The following PDE4D variants were observed in gnomAD, a reference collection of about 807,000 sequenced individuals.
PDE4D encodes the protein 3',5'-cyclic-AMP phosphodiesterase 4D.
Under a neutral mutation model 87.4 loss-of-function variants are expected in PDE4D, and 24 were observed. That is an observed-to-expected ratio of 0.27 (90% confidence interval 0.20 to 0.39). The LOEUF is 0.39. PDE4D is among the 10% of genes least tolerant of loss of function. The probability of loss-of-function intolerance (pLI) is 1.00; values close to 1 mark genes in which losing one functional copy is unlikely to be tolerated. For synonymous variants in PDE4D, 384 were observed against 383.2 expected, an observed-to-expected ratio of 1.00 and a Z score of -0.02; for missense variants, 714 against 1,041.0, an observed-to-expected ratio of 0.69 and a Z score of 4.32.
chr5:59,891,737 T>C (rs1380839839), intron 1 of PDE4D, among the ~76,000 whole-genome samples: 1 of 151,944 alleles, frequency 6.6e-6, no homozygotes, highest in Non-Finnish European at 1.5e-5. Flanking sequence ...AGGGTTATGA[T>C]AGTTTGGCTG....
intron 1 of PDE4D, among the ~76,000 whole-genome samples, chr5:59,570,956 TAGAAG>T (rs1255062244): frequency 6.6e-6 from 1 of 152,182 alleles, no homozygotes; most frequent in East Asian, 1.9e-4. Context: ...TTTAGTAACT[TAGAAG>T]AGAAAAAAAT....
chr5:60,290,649 CAA>C, intron 1 of PDE4D, among the ~76,000 whole-genome samples: 1 of 151,848 alleles, frequency 6.6e-6, no homozygotes. Context: ...ACTAAAAATA[CAA>C]AAAGTTAGCT....
At chr5:60,353,927 C>T (rs1583503261) in intron 1 of PDE4D, among the ~76,000 whole-genome samples, 2 of 152,194 alleles carry the variant, frequency 1.3e-5, no homozygotes, top group Middle Eastern at 6.8e-3. Flanking sequence ...TACCACCATT[C>T]ACGGGATCAT....
At chr5:59,266,790 A>G (rs1484323752) in intron 1 of PDE4D, among the ~76,000 whole-genome samples, 4 of 152,080 alleles carry the variant, frequency 2.6e-5, no homozygotes, top group Admixed American at 1.3e-4. Flanking sequence ...CTACTTTTCT[A>G]ATACCATGAA....
chr5:59,630,060 CA>C (rs777789981), intron 1 of PDE4D, among the ~76,000 whole-genome samples: 2 of 152,138 alleles, frequency 1.3e-5, no homozygotes, highest in Non-Finnish European at 2.9e-5. Context: ...TAAAGTCTAG[CA>C]AAGGTGTCTT....
chr5:59,678,252 C>T (rs556572543), intron 1 of PDE4D, among the ~76,000 whole-genome samples: 47 of 152,020 alleles, frequency 3.1e-4, no homozygotes, highest in Non-Finnish European at 6.2e-4. Context: ...AAAGTAACAA[C>T]ATTATTTCAA....
intron 3 of PDE4D, among the ~76,000 whole-genome samples, chr5:59,959,362 T>C (rs1010644192): frequency 1.3e-5 from 2 of 152,118 alleles, no homozygotes; most frequent in Non-Finnish European, 2.9e-5. Flanking sequence ...TAGAAAAACC[T>C]ATTCTAAAAT....
chr5:60,139,518 T>C (rs1291830944), intron 2 of PDE4D, among the ~76,000 whole-genome samples: 1 of 152,060 alleles, frequency 6.6e-6, no homozygotes, highest in Admixed American at 6.6e-5. Flanking sequence ...TCTACAAAAT[T>C]TGAGTGTCAA....
intron 2 of PDE4D, among the ~76,000 whole-genome samples, chr5:60,097,289 T>TGTGTGTGTGTGTGTGTGTGTGTGTGTGTG: frequency 1.8e-5 from 2 of 111,404 alleles, no homozygotes; most frequent in Non-Finnish European, 2.1e-5. Context: ...GTGTGTGTGT[T>TGTGTGTGTGTGTGTGTGTGTGTGTGTGTG]TAACAAATAA....
rs186708069 is a variant in PDE4D, at chr5:59,454,684, A to T, written c.456-238716T>A. Among the ~76,000 whole-genome samples, 29 of 152,286 alleles carry T rather than the reference A, an allele frequency of 1.9e-4. No individual in the cohort carries two copies. In the East Asian group the frequency reaches 5.6e-3, roughly 29 times the overall value. ...AACTGGATAACAGGCAGAGGTTGGA[A>T]CAGTTAGGAGGGCTTAGAAGAAGAC... On this transcript the variant is annotated intron_variant, in intron 1 of 14. Transcript: ENST00000340635.
chr5:60,269,643 G>T (rs1750608485), intron 1 of PDE4D, among the ~76,000 whole-genome samples: 1 of 152,144 alleles, frequency 6.6e-6, no homozygotes, highest in African/African-American at 2.4e-5. Flanking sequence ...GTACACCATG[G>T]TGACTGCAAT....
intron 1 of PDE4D, among the ~76,000 whole-genome samples, chr5:59,857,122 C>T (rs1745554766): frequency 6.6e-6 from 1 of 151,732 alleles, no homozygotes; most frequent in South Asian, 2.1e-4. Flanking sequence ...GCAAAGTCAG[C>T]AATCAGCCGA....
At chr5:59,137,832 G>A (rs1213792140) in intron 5 of PDE4D, among the ~76,000 whole-genome samples, 1 of 152,158 alleles carries the variant, frequency 6.6e-6, no homozygotes, top group East Asian at 1.9e-4. Context: ...AGCCTTAAGG[G>A]GGAAACTTTC....
chr5:59,703,807 C>A, intron 1 of PDE4D: 1 of 273,610 alleles, frequency 3.7e-6, no homozygotes. Context: ...AACATACATA[C>A]ATTCAAGAAA....
intron 5 of PDE4D, among the ~76,000 whole-genome samples, chr5:59,155,970 G>T (rs1581102196): frequency 6.6e-6 from 1 of 152,080 alleles, no homozygotes; most frequent in East Asian, 1.9e-4. Context: ...GGTTTGGGAG[G>T]CTTAAGAGAG....
At chr5:59,141,438 C>T (rs1262880446) in intron 5 of PDE4D, among the ~76,000 whole-genome samples, 3 of 152,120 alleles carry the variant, frequency 2.0e-5, no homozygotes, top group African/African-American at 4.8e-5. Context: ...AGACTATGGA[C>T]AATTTCAGGA....
At chr5:59,503,780 T>G (rs974517821) in intron 1 of PDE4D, among the ~76,000 whole-genome samples, 5 of 152,160 alleles carry the variant, frequency 3.3e-5, no homozygotes, top group African/African-American at 1.2e-4. Context: ...TTTCTTGATA[T>G]GAACAAAGGC....
At chr5:59,082,312 C>T (rs1456320488) in intron 5 of PDE4D, among the ~76,000 whole-genome samples, 1 of 152,128 alleles carries the variant, frequency 6.6e-6, no homozygotes, top group Non-Finnish European at 1.5e-5. Context: ...GCTGTCTCCA[C>T]TATTACTGAA....
rs566205776 is a variant in PDE4D, at chr5:59,153,158, T to G, written c.808+27437A>C. Among the ~76,000 whole-genome samples the G allele has an allele frequency of 2.0e-5, 3 of 152,220 alleles. No individual in the cohort carries two copies. The South Asian group carries it at 6.2e-4, about 32-fold the overall frequency. ...CACCTGGCATGGTGCTGCACAGTTGTCAGATCCCAGGCATGACTCCCTAGT... is the reference window on the plus strand; with the variant it reads ...CACCTGGCATGGTGCTGCACAGTTGGCAGATCCCAGGCATGACTCCCTAGT... On this transcript the variant is annotated intron_variant, in intron 5 of 14. Coordinates refer to ENST00000340635, the MANE Select transcript of PDE4D (RefSeq NM_001104631.2).
Sources: gnomAD v4.1 joint callset for allele counts (sites outside exome capture counted in the v4.1 genomes callset) on GRCh38, gnomAD v4.1.1 for gene constraint, MANE v1.5 for transcripts, NCBI Gene and HGNC (gene_info 2026-07-23, HGNC 2026-07-21) for gene names.